The following CROCC2 variants were observed in gnomAD, a reference collection of about 807,000 sequenced individuals.
The protein encoded by CROCC2 is ciliary rootlet coiled-coil protein 2.
A neutral mutation model predicts 177.6 loss-of-function variants in CROCC2; 163 were observed. The observed-to-expected ratio is 0.92, with a 90% CI of 0.81 to 1.05. The LOEUF (loss-of-function observed/expected upper bound fraction) is 1.05, where lower values mean the gene tolerates loss of function less well. Ranked by LOEUF, CROCC2 falls within the 50% of genes least tolerant of loss-of-function variation. The pLI, the probability that CROCC2 is intolerant of heterozygous loss-of-function variation, is 0.00. For missense variants in CROCC2, 1,929 were observed against 1,797.8 expected (o/e 1.07, Z -1.32); for synonymous variants, 904 against 787.3 (o/e 1.15, Z -2.48).
At position 240,930,937 on chromosome 2, in the gene CROCC2, C is replaced by G. The variant is rs754066613; in HGVS notation, c.756C>G (p.Leu252=). The change falls in exon 7 of 32, where the codon CTC becomes CTG. Residue 252 remains leucine (L), a synonymous_variant. Transcript: ENST00000690015. ...TGCTGCCCTTGTCTCCCAGGGGCCT[C>G]GCTGACCTGCAGGCAGACACGGCCA... ...AELRVATERG[L]ADLQADTART... is the part of the protein sequence containing the mutation. The G allele has an allele frequency of 1.4e-6, 1 of 710,780 alleles. No homozygotes were observed. Among genetic ancestry groups the G allele is most frequent in the African/African-American group, 1.7e-5 (1 of 57,146 alleles). The allele number at this position is 710,780 out of a possible 1,614,324, so 44.0% of individuals were successfully genotyped here.
At chr2:240,934,214 C>A in intron 11 of CROCC2, 117 bp from the exon 12 acceptor site, 1 of 1,172,196 alleles carries the variant, frequency 8.5e-7, no homozygotes, top group Non-Finnish European at 1.2e-6. Flanking sequence ...GGACTCCATG[C>A]TCCTCCTGGG....
intron 19 of CROCC2, among the ~76,000 whole-genome samples, chr2:240,957,084 G>A (rs1036954546): frequency 2.6e-5 from 4 of 152,144 alleles, no homozygotes; most frequent in African/African-American, 9.7e-5. Flanking sequence ...GGTGCCCTGG[G>A]CAGGGAGGGA....
chr2:240,915,751 A>T (rs915277999), intron 1 of CROCC2, among the ~76,000 whole-genome samples: 1 of 151,944 alleles, frequency 6.6e-6, no homozygotes, highest in Admixed American at 6.5e-5. Flanking sequence ...GATCGGGTTG[A>T]GTGGGCCAGC....
At chr2:240,912,125 C>T (rs989756935) in intron 1 of CROCC2, among the ~76,000 whole-genome samples, 17 of 152,288 alleles carry the variant, frequency 1.1e-4, no homozygotes, top group Admixed American at 2.6e-4. Context: ...CTCTGACGTA[C>T]GCACTTCCCT....
intron 27 of CROCC2, among the ~76,000 whole-genome samples, chr2:240,968,686 A>G (rs891286797): frequency 1.3e-5 from 2 of 152,224 alleles, no homozygotes; most frequent in African/African-American, 4.8e-5. Context: ...GTCCTGCTCC[A>G]AGACCACTTT....
chr2:240,993,130 C>G lies in CROCC2; in HGVS notation c.*49C>G, dbSNP rs1409567027. The stretch of plus-strand genomic sequence containing the variant: ...CCAGCGTGGCTGCAGAGGAAGGGAA[C>G]GCACCGCAGGTGGGAGGGGCCCAGC... On this transcript the variant is annotated 3_prime_UTR_variant, in exon 32 of 32. Transcript: ENST00000690015. The G allele has an allele frequency of 2.8e-6, 2 of 713,578 alleles. No individual in the cohort carries two copies. The highest frequency in any genetic ancestry group is 2.7e-5 in the East Asian group (1 of 37,076). 44.2% of individuals were successfully genotyped at this position (713,578 alleles called of 1,614,324 possible). A position where few individuals can be genotyped will look rare whatever the true frequency, so the allele number is the denominator to read the frequency against.
chr2:240,945,877 GCCCCC>G (rs1559599876), intron 14 of CROCC2, among the ~76,000 whole-genome samples, 178 bp from the exon 15 acceptor site: 16 of 152,026 alleles, frequency 1.1e-4, no homozygotes, highest in Non-Finnish European at 2.1e-4. Context: ...CTGAGTGGAT[GCCCCC>G]TCTATTGTAA....
At chr2:240,961,426 C>T (rs187827949) in intron 20 of CROCC2, among the ~76,000 whole-genome samples, 1,841 of 152,092 alleles carry the variant, frequency 0.012, 26 homozygotes, top group Middle Eastern at 0.014. Flanking sequence ...AGCACACACA[C>T]GCATGTGTGC....
intron 4 of CROCC2, 71 bp downstream of exon 4, chr2:240,922,716 C>T (rs62186586): frequency 2.0e-6 from 1 of 511,944 alleles, no homozygotes; most frequent in African/African-American, 2.0e-5. Context: ...GTGGGACCCT[C>T]TGTGCCTTGG....
rs1027576397 is a variant in CROCC2, at chr2:240,949,209, G to A, written c.2482+112G>A. ...GCACCCCCTCTCCGGAGCCCACAGG[G>A]GCATGAACATGAGCTTGGAGCTCAT... is the stretch of plus-strand genomic sequence containing the variant. On this transcript the variant is annotated intron_variant, in intron 16 of 31. Transcript: ENST00000690015. This position sits in a 1 kb window ranked among gnomAD's most constrained non-coding sequence, Gnocchi z 4.5. 10 of 1,439,744 alleles carry A rather than the reference G, an allele frequency of 6.9e-6. 1 individual carries two copies. The Admixed American group carries it at 2.9e-4, about 41-fold the overall frequency. 89.2% of individuals were successfully genotyped at this position (1,439,744 alleles called of 1,614,324 possible). A position where few individuals can be genotyped will look rare whatever the true frequency, so the allele number is the denominator to read the frequency against.
chr2:240,928,420 T>TTTTGTGTGTGTGTGTGTG (rs373283458), intron 5 of CROCC2, among the ~76,000 whole-genome samples: 1 of 147,666 alleles, frequency 6.8e-6, no homozygotes, highest in Admixed American at 6.8e-5. Context: ...TGTGCCTGTT[T>TTTTGTGTGTGTGTGTGTG]TGTGTGTGTG....
chr2:240,983,593 T>C (rs942384260), intron 28 of CROCC2: 6 of 1,282,308 alleles, frequency 4.7e-6, no homozygotes, highest in Admixed American at 2.3e-5. Context: ...GCGGCAGCGG[T>C]GGTCCTTAGA....
chr2:240,961,864 TCATCACACA>T (rs1235607858), intron 20 of CROCC2, among the ~76,000 whole-genome samples: 1 of 20,488 alleles, frequency 4.9e-5, no homozygotes, highest in Admixed American at 5.1e-4. Flanking sequence ...ACGCACACAC[TCATCACACA>T]TGCTCATCAC....
At chr2:240,975,038 T>C (rs989130376) in intron 27 of CROCC2, among the ~76,000 whole-genome samples, 1 of 152,222 alleles carries the variant, frequency 6.6e-6, no homozygotes, top group African/African-American at 2.4e-5. Flanking sequence ...AGTTGTTTAT[T>C]GGTCGTTTGC....
intron 27 of CROCC2, among the ~76,000 whole-genome samples, chr2:240,974,259 G>T (rs1425100706): frequency 1.3e-5 from 2 of 151,818 alleles, no homozygotes; most frequent in African/African-American, 4.8e-5. Flanking sequence ...TCTTTTCAAA[G>T]AATCAATGTA....
chr2:240,914,469 T>A (rs2059306292), intron 1 of CROCC2, among the ~76,000 whole-genome samples: 1 of 152,130 alleles, frequency 6.6e-6, no homozygotes, highest in Admixed American at 6.5e-5. Context: ...CGAGATGCCG[T>A]CCAAACCCCC....
Position 240,966,392 on chromosome 2 carries a change from GA to G in CROCC2, c.4131del (p.Ala1378ProfsTer15), listed in dbSNP as rs1254585848. 5 of 401,408 alleles carry G rather than the reference GA, an allele frequency of 1.2e-5. No individual in the cohort carries two copies. Among genetic ancestry groups the G allele is most frequent in the African/African-American group, 8.2e-5 (4 of 48,698 alleles). 24.9% of individuals were successfully genotyped at this position (401,408 alleles called of 1,614,324 possible). On this transcript the variant is annotated frameshift_variant, in exon 25 of 32. Transcript: ENST00000690015. LOFTEE classifies it high-confidence loss of function. ...GCGGGACTTTGTGCAGAAGCTCCGG[GA>G]AGCCCAGCGGGAGCGGGTAATGGGG... is the stretch of plus-strand genomic sequence containing the variant. ...ILRDFVQKLR[E>X]AQRERDDSRI...
Position 240,988,816 on chromosome 2 carries a change from G to C in CROCC2, c.4629G>C (p.Leu1543=). The change falls in exon 29 of 32, where the codon CTG becomes CTC. Residue 1543 remains leucine (L), a synonymous_variant. Coordinates refer to ENST00000690015, the MANE Select transcript of CROCC2 (RefSeq NM_001351305.2). ...GAEKEQLDQS[L]NSLHQEVDGA... The stretch of plus-strand genomic sequence containing the variant: ...AGAAGGAGCAGCTGGACCAGTCTCT[G>C]AACAGCCTGCACCAGGAGGTGGACG... The C allele has an allele frequency of 2.0e-6, 3 of 1,517,498 alleles. No individual in the cohort carries two copies. Among genetic ancestry groups the C allele is most frequent in the Non-Finnish European group, 2.7e-6 (3 of 1,128,040 alleles). The allele number at this position is 1,517,498 out of a possible 1,614,324, so 94.0% of individuals were successfully genotyped here. A position where few individuals can be genotyped will look rare whatever the true frequency, so the allele number is the denominator to read the frequency against.
chr2:240,965,816 C>T lies in CROCC2; in HGVS notation c.3784C>T (p.Leu1262=). 1 of 1,465,566 alleles carries T rather than the reference C, an allele frequency of 6.8e-7. No homozygotes were observed. The highest frequency in any genetic ancestry group is 1.4e-5 in the African/African-American group (1 of 70,394). 90.8% of individuals were successfully genotyped at this position (1,465,566 alleles called of 1,614,324 possible). ...SGVADALQAR[L]DQACHRIHSL... ...TGTGGCTGATGCTCTCCAGGCTCGC[C>T]TGGACCAGGCCTGTCACCGAATCCA... Residue 1262 remains leucine, a synonymous_variant, in exon 24 of 32, where the codon CTG becomes TTG. Transcript: ENST00000690015.
Sources: allele counts gnomAD v4.1 joint callset (sites outside exome capture counted in the v4.1 genomes callset), GRCh38; gene constraint gnomAD v4.1.1; non-coding constraint Gnocchi (gnomAD v3.1); transcripts MANE v1.5; gene names NCBI Gene and HGNC (gene_info 2026-07-23, HGNC 2026-07-21).